The following RNF121 variants were observed in gnomAD, a reference collection of about 807,000 sequenced individuals.
RNF121 encodes the protein E3 ubiquitin ligase RNF121.
In RNF121, 21 loss-of-function variants were observed where a neutral mutation model predicts 46.5. The observed-to-expected ratio is 0.45, with a 90% CI of 0.32 to 0.65. RNF121 has a LOEUF of 0.65. Ranked by LOEUF, RNF121 falls within the 30% of genes least tolerant of loss-of-function variation. RNF121 has a pLI of 0.04. For synonymous variants in RNF121, 139 were observed against 144.7 expected, an observed-to-expected ratio of 0.96 and a Z score of 0.28; for missense variants, 346 against 416.0, an observed-to-expected ratio of 0.83 and a Z score of 1.46.
intron 1 of RNF121, among the ~76,000 whole-genome samples, chr11:71,945,074 A>G (rs1016256128): frequency 2.6e-5 from 4 of 151,670 alleles, no homozygotes; most frequent in African/African-American, 2.4e-5. Context: ...TGCAGTCTGA[A>G]CCTCCTGGGC....
chr11:71,957,321 T>C lies in RNF121; in HGVS notation c.101+57T>C, dbSNP rs1429373637. The C allele has an allele frequency of 1.1e-5, 12 of 1,087,918 alleles. No homozygotes were observed. The East Asian group carries it at 1.4e-4, about 13-fold the overall frequency. The allele number at this position is 1,087,918 out of a possible 1,614,324, so 67.4% of individuals were successfully genotyped here. ...GGAACTGCAGGTTAACCCAGCTTAATTGAGTGATATGTCTACCCATTTTGC... is the reference window on the plus strand; with the variant it reads ...GGAACTGCAGGTTAACCCAGCTTAACTGAGTGATATGTCTACCCATTTTGC... On this transcript the variant is annotated intron_variant, in intron 2 of 8. Transcript: ENST00000361756.
Position 71,979,762 on chromosome 11 carries a change from G to A in RNF121, c.244-2999G>A, listed in dbSNP as rs1242883519. The stretch of plus-strand genomic sequence containing the variant: ...AGTGGGAAAGAGGATCTTAGCGCAG[G>A]CTGGTTGTTTTAATGCAACAGCCAA... On this transcript the variant is annotated intron_variant, in intron 3 of 8. Transcript: ENST00000361756. Among the ~76,000 whole-genome samples, 3 of 152,320 alleles carry A rather than the reference G, an allele frequency of 2.0e-5. No homozygotes were observed. In the East Asian group the frequency reaches 5.8e-4, roughly 29 times the overall value.
chr11:71,932,639 A>G (rs529659796), intron 1 of RNF121, among the ~76,000 whole-genome samples: 1 of 152,348 alleles, frequency 6.6e-6, no homozygotes, highest in East Asian at 1.9e-4. Context: ...TGAGGTTCAG[A>G]GGATTTGAGA....
chr11:71,968,848 T>G (rs1954351264), intron 3 of RNF121, among the ~76,000 whole-genome samples: 1 of 151,850 alleles, frequency 6.6e-6, no homozygotes, highest in Non-Finnish European at 1.5e-5. Flanking sequence ...AAGAGAAGAT[T>G]TTGGTACATC....
intron 2 of RNF121, 92 bp downstream of exon 2, chr11:71,957,356 A>G: frequency 3.6e-6 from 3 of 825,934 alleles, no homozygotes; most frequent in African/African-American, 1.7e-5. Context: ...CTTTCTTGTC[A>G]GTAGGAGGCA....
intron 3 of RNF121, among the ~76,000 whole-genome samples, chr11:71,976,254 T>C (rs960682805): frequency 3.3e-5 from 5 of 151,798 alleles, no homozygotes; most frequent in African/African-American, 1.2e-4. Context: ...CTTTGTATAG[T>C]GTGGCCCCAA....
chr11:71,942,570 C>T (rs1222534557), intron 1 of RNF121, among the ~76,000 whole-genome samples: 1 of 151,694 alleles, frequency 6.6e-6, no homozygotes, highest in Non-Finnish European at 1.5e-5. Context: ...TGAGACTAGC[C>T]AGGCCAACAT....
intron 3 of RNF121, among the ~76,000 whole-genome samples, chr11:71,978,984 G>T (rs1480492739): frequency 1.3e-5 from 2 of 152,120 alleles, no homozygotes; most frequent in African/African-American, 4.8e-5. Context: ...TTCTAGAAAT[G>T]GTCTGAAGGC....
chr11:71,985,752 G>A lies in RNF121; in HGVS notation c.399-1252G>A, dbSNP rs116677569. 2.1e-3 allele frequency among the ~76,000 whole-genome samples: 325 copies of A among 152,266 alleles called. 2 individuals are homozygous for A. The highest frequency in any genetic ancestry group is 7.5e-3 in the African/African-American group (312 of 41,552). The stretch of plus-strand genomic sequence containing the variant: ...TGTTCATTAGCTCCCATCACAGATA[G>A]AATAGTGGCTCCTGATGACAGGGAC... On this transcript the variant is annotated intron_variant, in intron 4 of 8. Transcript: ENST00000361756.
chr11:71,985,524 C>A (rs549979379), intron 4 of RNF121, among the ~76,000 whole-genome samples: 36 of 152,252 alleles, frequency 2.4e-4, no homozygotes, highest in African/African-American at 8.7e-4. Flanking sequence ...TGTGTGTGTT[C>A]TTTAAGACAA....
chr11:71,996,426 G>A lies in RNF121; in HGVS notation c.*111G>A. 1 of 1,345,908 alleles carries A rather than the reference G, an allele frequency of 7.4e-7. No homozygotes were observed. 83.4% of individuals were successfully genotyped at this position (1,345,908 alleles called of 1,614,324 possible). The stretch of plus-strand genomic sequence containing the variant: ...GGGAAAGACTCAAAGGGGTGCTTGG[G>A]CCACTCAGGACCCCTCTGGCTGTGT... On this transcript the variant is annotated 3_prime_UTR_variant, in exon 9 of 9. Transcript: ENST00000361756.
chr11:71,978,701 T>A (rs1954586435), intron 3 of RNF121, among the ~76,000 whole-genome samples: 1 of 152,248 alleles, frequency 6.6e-6, no homozygotes, highest in Non-Finnish European at 1.5e-5. Context: ...ACTACACTGC[T>A]TATAACAAGT....
intron 5 of RNF121, among the ~76,000 whole-genome samples, chr11:71,988,920 G>T (rs369401355): frequency 6.6e-6 from 1 of 152,160 alleles, no homozygotes; most frequent in South Asian, 2.1e-4. Context: ...GAATAAACAG[G>T]CTCCTGAAGG....
chr11:71,946,473 CCT>C (rs969379010), intron 1 of RNF121, among the ~76,000 whole-genome samples: 51 of 152,184 alleles, frequency 3.4e-4, no homozygotes, highest in African/African-American at 1.1e-3. Flanking sequence ...AGGATTTTCC[CCT>C]GTCACCCTCC....
chr11:71,970,700 G>A lies in RNF121; in HGVS notation c.243+9809G>A, dbSNP rs147435279. On this transcript the variant is annotated intron_variant, in intron 3 of 8. Coordinates refer to ENST00000361756, the MANE Select transcript of RNF121 (RefSeq NM_018320.5). ...ATAATAATAACTTTAAAAAATTAAA[G>A]GTGGTCCATGCATGGACTAATGATG... Among the ~76,000 whole-genome samples the A allele has an allele frequency of 4.3e-3, 648 of 152,124 alleles. 9 individuals carry two copies. Among genetic ancestry groups the A allele is most frequent in the African/African-American group, 0.014 (596 of 41,486 alleles).
chr11:71,947,285 A>T (rs1031345594), intron 1 of RNF121, among the ~76,000 whole-genome samples: 2 of 152,136 alleles, frequency 1.3e-5, no homozygotes, highest in African/African-American at 4.8e-5. Flanking sequence ...GCGCCGGAGG[A>T]TCACTTGAGC....
At chr11:71,991,104 A>C (rs910836511) in intron 6 of RNF121, among the ~76,000 whole-genome samples, 2 of 152,204 alleles carry the variant, frequency 1.3e-5, no homozygotes, top group Non-Finnish European at 2.9e-5. Flanking sequence ...TTGAAAAACT[A>C]TCTGTTAGGT....
rs150481339 is a variant in RNF121 at position 71,936,872 on chromosome 11, G to A, written c.63+7748G>A. 2.8e-3 allele frequency among the ~76,000 whole-genome samples: 419 copies of A among 152,232 alleles called. 2 individuals are homozygous for A. The highest frequency in any genetic ancestry group is 0.017 in the Middle Eastern group (5 of 294). On this transcript the variant is annotated intron_variant, in intron 1 of 8. Transcript: ENST00000361756. ...TTCTCATCTTTGTACATTCCTCAGT[G>A]CCTTGCTCAGTGCTTGGCACATAGC...
intron 1 of RNF121, among the ~76,000 whole-genome samples, chr11:71,946,521 A>T (rs962081090): frequency 6.6e-6 from 1 of 152,176 alleles, no homozygotes; most frequent in African/African-American, 2.4e-5. Context: ...ATGCTGTCAC[A>T]TTCAGCTGCT....
Sources: gnomAD v4.1 joint callset for allele counts (sites outside exome capture counted in the v4.1 genomes callset) on GRCh38, gnomAD v4.1.1 for gene constraint, MANE v1.5 for transcripts, NCBI Gene and HGNC (gene_info 2026-07-23, HGNC 2026-07-21) for gene names.